NEK9: variants seen among roughly 807,000 people sequenced by gnomAD.
The protein encoded by NEK9 is NIMA related kinase 9, also known as serine/threonine-protein kinase Nek9.
Under a neutral mutation model 123.4 loss-of-function variants are expected in NEK9, and 75 were observed. The ratio of observed to expected loss-of-function variants is 0.61; its 90% CI spans 0.50 to 0.74. The LOEUF is 0.74. Ranked by LOEUF, NEK9 falls within the 30% of genes least tolerant of loss-of-function variation. NEK9 has a pLI of 0.00. For synonymous variants in NEK9, 438 were observed against 458.7 expected, an observed-to-expected ratio of 0.95 and a Z score of 0.58; for missense variants, 952 against 1,214.4, an observed-to-expected ratio of 0.78 and a Z score of 3.21.
chr14:75,124,102 T>C lies in NEK9; in HGVS notation c.341A>G (p.Tyr114Cys). ...GGTATTGTCCATGAAGTGATTGTAG[T>C]AGGCAATAATGTTGTCGTGCTGCAG... ...ALLQHDNIIAYYNHFMDNTTL... is the reference protein window; with the variant it reads ...ALLQHDNIIACYNHFMDNTTL... The change falls in exon 2 of 22, where the codon TAC becomes TGC. Residue 114 changes from tyrosine (Y) to cysteine (C), a missense_variant. Transcript: ENST00000238616. 1 of 1,614,118 alleles carries C rather than the reference T, an allele frequency of 6.2e-7. No homozygotes were observed. The highest frequency in any genetic ancestry group is 8.5e-7 in the Non-Finnish European group (1 of 1,179,944).
intron 10 of NEK9, among the ~76,000 whole-genome samples, chr14:75,107,811 A>G (rs1894828741): frequency 1.3e-5 from 2 of 152,376 alleles, no homozygotes; most frequent in South Asian, 4.1e-4. Context: ...TTTTAATAGC[A>G]AGTAGTATAC....
rs769424855 is a variant in NEK9 at position 75,117,258 on chromosome 14, A to G, written c.699T>C (p.Asp233=). Residue 233 remains aspartate, a synonymous_variant, in exon 6 of 22, where the codon GAT becomes GAC. Coordinates refer to ENST00000238616, the MANE Select transcript of NEK9 (RefSeq NM_033116.6). ...AAATGACGCAGCCAACTGCCCAGAT[A>G]TCAGACTTGAAATTGTACTTTACTC... The part of the protein sequence containing the change: ...CQGVKYNFKS[D]IWAVGCVIFE... The G allele has an allele frequency of 6.2e-7, 1 of 1,614,154 alleles. No homozygotes were observed. The highest frequency in any genetic ancestry group is 2.2e-5 in the East Asian group (1 of 44,872).
chr14:75,089,426 A>C (rs901655314), intron 19 of NEK9, among the ~76,000 whole-genome samples: 1 of 152,038 alleles, frequency 6.6e-6, no homozygotes, highest in Admixed American at 6.6e-5. Context: ...ACAGAGTTTC[A>C]CCATGTTGGC....
At chr14:75,097,303 C>A in intron 16 of NEK9, 33 bp from the exon 17 acceptor site, 1 of 1,529,890 alleles carries the variant, frequency 6.5e-7, no homozygotes, top group Non-Finnish European at 8.8e-7. Context: ...GACCATTTAA[C>A]AGAACACTGG....
At chr14:75,084,939 A>C in intron 21 of NEK9, 1 of 380,894 alleles carries the variant, frequency 2.6e-6, no homozygotes, top group East Asian at 4.9e-5. Context: ...CAGAACTCTT[A>C]GTTTTAAAAT....
chr14:75,115,562 C>T (rs1594848121), intron 6 of NEK9, among the ~76,000 whole-genome samples: 1 of 152,158 alleles, frequency 6.6e-6, no homozygotes, highest in African/African-American at 2.4e-5. Context: ...TTTTCATATA[C>T]ATTATGAGAG....
intron 2 of NEK9, among the ~76,000 whole-genome samples, chr14:75,123,030 A>C (rs1895392956): frequency 6.6e-6 from 1 of 151,836 alleles, no homozygotes; most frequent in African/African-American, 2.4e-5. Flanking sequence ...CCTATGCTCA[A>C]GTGATCTGCT....
At chr14:75,101,316 C>T (rs995487702) in intron 15 of NEK9, among the ~76,000 whole-genome samples, 163 bp from the exon 16 acceptor site, 1 of 152,142 alleles carries the variant, frequency 6.6e-6, no homozygotes, top group Non-Finnish European at 1.5e-5. Context: ...TATCTAGGCA[C>T]TATAACCAAT....
At chr14:75,108,564 T>A (rs949269619) in intron 10 of NEK9, among the ~76,000 whole-genome samples, 9 of 151,408 alleles carry the variant, frequency 5.9e-5, no homozygotes, top group African/African-American at 1.7e-4. Flanking sequence ...TATATATATT[T>A]TTTTTTTTGA....
chr14:75,091,857 T>C (rs1049929065), intron 18 of NEK9, among the ~76,000 whole-genome samples: 2 of 152,200 alleles, frequency 1.3e-5, no homozygotes, highest in Non-Finnish European at 2.9e-5. Context: ...TCCAGCATCC[T>C]CCATAGACAC....
At chr14:75,085,474 C>T (rs1381480779) in intron 21 of NEK9, among the ~76,000 whole-genome samples, 3 of 152,210 alleles carry the variant, frequency 2.0e-5, no homozygotes, top group African/African-American at 7.2e-5. Flanking sequence ...TCTGCTTCTA[C>T]TTCCCTCTAT....
rs981114691 is a variant in NEK9, at chr14:75,082,074, C to T, written c.*2490G>A. ...AGGCTTAGAATCTGGATGTTTTATC[C>T]CCAGAGACTAAGGTCCATGCACAGG... On this transcript the variant is annotated 3_prime_UTR_variant, in exon 22 of 22. Transcript: ENST00000238616. 1.3e-5 allele frequency: 2 copies of T among 152,122 alleles called. No homozygotes were observed. The highest frequency in any genetic ancestry group is 6.5e-5 in the Admixed American group (1 of 15,268). The allele number at this position is 152,122 out of a possible 1,614,324, so 9.4% of individuals were successfully genotyped here.
rs1171410135 is a variant in NEK9 at position 75,088,568 on chromosome 14, T to C, written c.2516A>G (p.Glu839Gly). The C allele has an allele frequency of 6.2e-6, 10 of 1,614,002 alleles. No homozygotes were observed. Among genetic ancestry groups the C allele is most frequent in the Admixed American group, 3.3e-5 (2 of 60,000 alleles). ...CTCTTCATAGGGCAGGGTATCTTTC[T>C]CAGATTCTGAAAACGCTGCACTGAG... ...SPLSAAFSESEKDTLPYEELQ... is the reference protein window; with the variant it reads ...SPLSAAFSESGKDTLPYEELQ... Residue 839 changes from glutamate (E) to glycine (G), a missense_variant, in exon 20 of 22, where the codon GAG becomes GGG. Glu to Gly is a moderately conservative substitution (Grantham distance 98). Coordinates refer to ENST00000238616, the MANE Select transcript of NEK9 (RefSeq NM_033116.6).
At chr14:75,122,034 A>T (rs1019342320) in intron 2 of NEK9, among the ~76,000 whole-genome samples, 2 of 152,236 alleles carry the variant, frequency 1.3e-5, no homozygotes, top group African/African-American at 4.8e-5. Context: ...TTCCTGTGGA[A>T]TAAGTGTGAA....
chr14:75,098,231 C>T (rs1339630380), intron 16 of NEK9, among the ~76,000 whole-genome samples: 1 of 152,028 alleles, frequency 6.6e-6, no homozygotes, highest in Non-Finnish European at 1.5e-5. Flanking sequence ...GCAGGAGGTA[C>T]AGATCTGGGC....
intron 19 of NEK9, among the ~76,000 whole-genome samples, chr14:75,089,173 C>A (rs73309784): frequency 0.018 from 2,704 of 152,032 alleles, 90 homozygotes; most frequent in African/African-American, 0.063. Flanking sequence ...CTCAAATAAT[C>A]CTTCCACATC....
chr14:75,107,622 G>A, intron 10 of NEK9, 135 bp from the exon 11 acceptor site: 2 of 647,142 alleles, frequency 3.1e-6, no homozygotes, highest in South Asian at 4.9e-5. Context: ...TCCTGCCTCG[G>A]CTTCCCAAAG....
At chr14:75,097,021 A>T (rs940019819) in intron 17 of NEK9, 79 bp downstream of exon 17, 18 of 1,377,698 alleles carry the variant, frequency 1.3e-5, no homozygotes, top group Non-Finnish European at 1.7e-5. Context: ...TCTGTTTCCA[A>T]CAATGTGACT....
chr14:75,110,294 A>C (rs1297341750), intron 9 of NEK9, 27 bp downstream of exon 9: 1 of 1,572,188 alleles, frequency 6.4e-7, no homozygotes, highest in African/African-American at 1.4e-5. Flanking sequence ...CGGATATATT[A>C]GTTTTTAAGA....
Sources: allele counts gnomAD v4.1 joint callset (sites outside exome capture counted in the v4.1 genomes callset), GRCh38; gene constraint gnomAD v4.1.1; transcripts MANE v1.5; gene names NCBI Gene and HGNC (gene_info 2026-07-23, HGNC 2026-07-21).